The following SYT1 variants were observed in gnomAD, a reference collection of about 807,000 sequenced individuals.
The protein encoded by SYT1 is synaptotagmin-1.
In SYT1, 8 loss-of-function variants were observed where a neutral mutation model predicts 44.8. The ratio of observed to expected loss-of-function variants is 0.18; its 90% CI spans 0.10 to 0.32. The LOEUF is 0.32. Ranked by LOEUF, SYT1 falls within the 10% of genes least tolerant of loss-of-function variation. The probability of loss-of-function intolerance (pLI) is 1.00; values close to 1 mark genes in which losing one functional copy is unlikely to be tolerated. For missense variants in SYT1, 286 were observed against 509.3 expected (o/e 0.56, Z 4.22); for synonymous variants, 154 against 188.8 (o/e 0.82, Z 1.51).
intron 9 of SYT1, among the ~76,000 whole-genome samples, chr12:79,364,333 G>C (rs998223132): frequency 6.7e-6 from 1 of 149,418 alleles, no homozygotes; most frequent in South Asian, 2.1e-4. Flanking sequence ...ATACCTCAAC[G>C]ACAGTCATAA....
intron 2 of SYT1, chr12:79,045,690 A>G (rs1236601610): frequency 6.6e-6 from 1 of 152,216 alleles, no homozygotes; most frequent in Non-Finnish European, 1.5e-5. Context: ...CCCCTACAGT[A>G]GAACAAGTTT....
intron 2 of SYT1, among the ~76,000 whole-genome samples, chr12:79,021,046 A>C (rs1367233378): frequency 6.6e-6 from 1 of 151,882 alleles, no homozygotes; most frequent in Non-Finnish European, 1.5e-5. Flanking sequence ...TCTATTCTTG[A>C]TAAATATTTT....
At chr12:78,870,723 C>G (rs1873776066) in intron 1 of SYT1, among the ~76,000 whole-genome samples, 1 of 152,018 alleles carries the variant, frequency 6.6e-6, no homozygotes, top group Admixed American at 6.6e-5. Context: ...CTCCAGGGAA[C>G]AGCCTCTTGT....
rs932241133 is a variant in SYT1 at position 79,310,014 on chromosome 12, A to G, written c.810+10463A>G. Among the ~76,000 whole-genome samples, 130 of 152,070 alleles carry G rather than the reference A, an allele frequency of 8.5e-4. 2 individuals are homozygous for G. The highest frequency in any genetic ancestry group is 2.6e-4 in the Non-Finnish European group (18 of 68,042). On this transcript the variant is annotated intron_variant, in intron 8 of 10. Coordinates refer to ENST00000261205, the MANE Select transcript of SYT1 (RefSeq NM_005639.3). ...TTCTTTTGCTGTGCAGAAGCTCTTC[A>G]GTTTAATTACATCCCATTTGTCAAT... is the stretch of plus-strand genomic sequence containing the variant.
chr12:78,887,215 T>C (rs1360669444), intron 1 of SYT1, among the ~76,000 whole-genome samples: 2 of 152,002 alleles, frequency 1.3e-5, no homozygotes, highest in African/African-American at 4.8e-5. Context: ...GCCCAGGACA[T>C]GAGTCATCTC....
chr12:78,926,625 CT>C (rs1877318036), intron 1 of SYT1: 1 of 151,784 alleles, frequency 6.6e-6, no homozygotes, highest in Non-Finnish European at 1.5e-5. Context: ...AAAAAGTATA[CT>C]TAGAAAACTC....
At chr12:79,347,812 G>A (rs73354714) in intron 8 of SYT1, among the ~76,000 whole-genome samples, 3,529 of 152,162 alleles carry the variant, frequency 0.023, 141 homozygotes, top group African/African-American at 0.078. Context: ...AATGACGGGT[G>A]CTAAGACAAA....
chr12:79,218,679 T>C (rs752169144), intron 4 of SYT1, among the ~76,000 whole-genome samples: 35 of 152,206 alleles, frequency 2.3e-4, no homozygotes, highest in Non-Finnish European at 4.6e-4. Context: ...CCAGGTTCAT[T>C]CATGTTGTCA....
chr12:79,405,566 CCTGCCCT>C (rs1437611005), intron 9 of SYT1, among the ~76,000 whole-genome samples: 3 of 152,098 alleles, frequency 2.0e-5, no homozygotes, highest in African/African-American at 7.2e-5. Flanking sequence ...ATCATAGACC[CCTGCCCT>C]CAAGGCTTCA....
intron 3 of SYT1, among the ~76,000 whole-genome samples, chr12:79,084,458 G>A (rs1877246307): frequency 6.6e-6 from 1 of 152,080 alleles, no homozygotes; most frequent in South Asian, 2.1e-4. Context: ...ATCATTCTAT[G>A]TAAGGAGACC....
chr12:79,095,998 G>A (rs1229035925), intron 3 of SYT1, among the ~76,000 whole-genome samples: 3 of 151,834 alleles, frequency 2.0e-5, no homozygotes, highest in Non-Finnish European at 4.4e-5. Flanking sequence ...GAGTCTTGGC[G>A]GTCCTGAGGG....
chr12:79,290,803 A>G (rs1045814073), intron 5 of SYT1, among the ~76,000 whole-genome samples: 1 of 152,220 alleles, frequency 6.6e-6, no homozygotes, highest in Non-Finnish European at 1.5e-5. Flanking sequence ...TTGCAAATCA[A>G]TAAGAAAAAG....
chr12:79,268,218 GTATTGACAGTTGAGTT>G (rs1282491259), intron 4 of SYT1, among the ~76,000 whole-genome samples: 1 of 152,134 alleles, frequency 6.6e-6, no homozygotes, highest in Non-Finnish European at 1.5e-5. Flanking sequence ...AAGTTTTGAT[GTATTGACAGTTGAGTT>G]TATGGGCAAA....
intron 9 of SYT1, among the ~76,000 whole-genome samples, chr12:79,387,237 C>A (rs946444060): frequency 1.4e-4 from 22 of 152,166 alleles, no homozygotes; most frequent in African/African-American, 5.1e-4. Flanking sequence ...ACATATTATG[C>A]ACTTTCAGTT....
rs368232705 is a variant in SYT1, at chr12:79,176,685, C to A, written c.-17-40818C>A. On this transcript the variant is annotated intron_variant, in intron 3 of 10. Coordinates refer to ENST00000261205, the MANE Select transcript of SYT1 (RefSeq NM_005639.3). ...ACTTACAAAAAAAGTTGAAATAGTA[C>A]AATGAACACACATATACCTTTGCTT... is the stretch of plus-strand genomic sequence containing the variant. Among the ~76,000 whole-genome samples the A allele has an allele frequency of 3.3e-5, 5 of 152,116 alleles. No individual in the cohort carries two copies. The East Asian group carries it at 9.7e-4, about 30-fold the overall frequency.
intron 4 of SYT1, among the ~76,000 whole-genome samples, chr12:79,245,297 C>A (rs1592892430): frequency 1.3e-5 from 1 of 78,946 alleles, no homozygotes; most frequent in African/African-American, 6.8e-5. Context: ...GAAACCCCGT[C>A]TCTACAAAAA....
At chr12:78,943,661 T>C (rs567253200) in intron 1 of SYT1, among the ~76,000 whole-genome samples, 1 of 152,294 alleles carries the variant, frequency 6.6e-6, no homozygotes, top group South Asian at 2.1e-4. Context: ...AGCTTTAGCC[T>C]ATGTCGAATA....
intron 1 of SYT1, among the ~76,000 whole-genome samples, chr12:78,926,121 T>C (rs898975716): frequency 6.6e-6 from 1 of 152,142 alleles, no homozygotes; most frequent in East Asian, 1.9e-4. Context: ...ATTGTTAGAT[T>C]GCAGAGAAAC....
At chr12:78,869,775 A>G (rs1160709013) in intron 1 of SYT1, among the ~76,000 whole-genome samples, 1 of 151,990 alleles carries the variant, frequency 6.6e-6, no homozygotes, top group Admixed American at 6.6e-5. Flanking sequence ...TCTAATTTTT[A>G]TATTTATTTA....
Sources: gnomAD v4.1 joint callset for allele counts (sites outside exome capture counted in the v4.1 genomes callset) on GRCh38, gnomAD v4.1.1 for gene constraint, MANE v1.5 for transcripts, NCBI Gene and HGNC (gene_info 2026-07-23, HGNC 2026-07-21) for gene names.